The following PALM2AKAP2 variants were observed in gnomAD, a reference collection of about 807,000 sequenced individuals.
PALM2AKAP2 encodes the protein PALM2-AKAP2 fusion protein.
In PALM2AKAP2, 37 loss-of-function variants were observed where a neutral mutation model predicts 71.5. That is an observed-to-expected ratio of 0.52 (90% CI 0.40 to 0.68). PALM2AKAP2 has a LOEUF of 0.68. Ranked by LOEUF, PALM2AKAP2 falls within the 30% of genes least tolerant of loss-of-function variation. The probability of loss-of-function intolerance (pLI) is 0.00; values close to 1 mark genes in which losing one functional copy is unlikely to be tolerated. For synonymous variants in PALM2AKAP2, 468 were observed against 478.8 expected (o/e 0.98, Z 0.29); for missense variants, 1,224 against 1,191.8 (o/e 1.03, Z -0.40).
intron 1 of PALM2AKAP2, among the ~76,000 whole-genome samples, chr9:109,750,706 G>T (rs1411196139): frequency 6.6e-6 from 1 of 151,836 alleles, no homozygotes; most frequent in African/African-American, 2.4e-5. Context: ...AAAATAATTT[G>T]TTTTTTTCTA....
intron 1 of PALM2AKAP2, among the ~76,000 whole-genome samples, chr9:110,104,785 A>G (rs892941557): frequency 2.6e-5 from 4 of 152,220 alleles, no homozygotes; most frequent in African/African-American, 9.6e-5. Context: ...TACTTTGTGT[A>G]ATTATCTGTG....
At chr9:109,957,033 A>G (rs148839507) in intron 6 of PALM2AKAP2, among the ~76,000 whole-genome samples, 3 of 152,220 alleles carry the variant, frequency 2.0e-5, no homozygotes, top group East Asian at 3.8e-4. Flanking sequence ...GGTGACTTCA[A>G]ATTCTTTCCA....
chr9:110,054,749 G>A (rs1761624461), intron 1 of PALM2AKAP2, among the ~76,000 whole-genome samples: 1 of 151,870 alleles, frequency 6.6e-6, no homozygotes. Context: ...TTTTTCTATT[G>A]TTTGTAGAGA....
chr9:110,079,198 C>T (rs1834389121), intron 1 of PALM2AKAP2, among the ~76,000 whole-genome samples: 1 of 152,110 alleles, frequency 6.6e-6, no homozygotes, highest in African/African-American at 2.4e-5. Context: ...TACAGTGAGG[C>T]ATGAGGACAC....
At chr9:109,696,719 G>A (rs1827975550) in intron 1 of PALM2AKAP2, among the ~76,000 whole-genome samples, 1 of 152,074 alleles carries the variant, frequency 6.6e-6, no homozygotes, top group African/African-American at 2.4e-5. Context: ...CTGGGCCAGT[G>A]CATCTGTCTC....
chr9:109,945,426 G>T (rs748851921), intron 6 of PALM2AKAP2: 5 of 152,110 alleles, frequency 3.3e-5, no homozygotes, highest in Non-Finnish European at 7.4e-5. Context: ...CTATTTTATC[G>T]AGAAACCTGG....
intron 2 of PALM2AKAP2, among the ~76,000 whole-genome samples, chr9:110,154,053 A>G (rs1836386039): frequency 6.6e-6 from 1 of 152,212 alleles, no homozygotes; most frequent in Non-Finnish European, 1.5e-5. Context: ...GTCCCAGAAG[A>G]GATGCAAAAA....
Position 110,098,674 on chromosome 9 carries a change from G to C in PALM2AKAP2, c.157-37453G>C, listed in dbSNP as rs548588228. On this transcript the variant is annotated intron_variant, in intron 1 of 3. Coordinates refer to ENST00000374525, the Ensembl canonical transcript of PALM2AKAP2. The stretch of plus-strand genomic sequence containing the variant: ...AGCCAAGCTCTTTGCAAACTGTCAG[G>C]GATCCAAATGAAGATCGCAATCCAG... Among the ~76,000 whole-genome samples the C allele has an allele frequency of 3.3e-5, 5 of 152,230 alleles. No individual in the cohort carries two copies. The South Asian group carries it at 1.0e-3, about 32-fold the overall frequency.
intron 1 of PALM2AKAP2, among the ~76,000 whole-genome samples, chr9:109,656,195 G>T (rs944943453): frequency 1.3e-5 from 2 of 152,208 alleles, no homozygotes; most frequent in Admixed American, 6.5e-5. Flanking sequence ...CCAGGCAAAA[G>T]GAATGGCCAG....
intron 1 of PALM2AKAP2, among the ~76,000 whole-genome samples, chr9:110,091,403 GGT>G (rs71373965): frequency 0.64 from 93,068 of 144,464 alleles, 30,346 homozygotes; most frequent in African/African-American, 0.77. Context: ...TGGTGGTTGG[GGT>G]GTGTGTGTGT....
chr9:109,858,065 A>G (rs1356687527), intron 1 of PALM2AKAP2, among the ~76,000 whole-genome samples: 3 of 152,242 alleles, frequency 2.0e-5, no homozygotes, highest in African/African-American at 7.2e-5. Flanking sequence ...GCACTCTACC[A>G]GGTGATGTGT....
At chr9:109,917,892 T>C (rs1830732266) in intron 3 of PALM2AKAP2, among the ~76,000 whole-genome samples, 1 of 152,146 alleles carries the variant, frequency 6.6e-6, no homozygotes, top group African/African-American at 2.4e-5. Context: ...TTATCTTCAG[T>C]GGAAGCTAGG....
chr9:109,690,926 A>T (rs754438890), intron 1 of PALM2AKAP2, among the ~76,000 whole-genome samples: 1 of 152,142 alleles, frequency 6.6e-6, no homozygotes, highest in Non-Finnish European at 1.5e-5. Context: ...GCCACTTCTC[A>T]GCATGAGGAA....
At chr9:110,102,247 G>A (rs1387386635) in intron 1 of PALM2AKAP2, among the ~76,000 whole-genome samples, 3 of 152,148 alleles carry the variant, frequency 2.0e-5, no homozygotes, top group Non-Finnish European at 4.4e-5. Flanking sequence ...TCTAAAGCAG[G>A]AATATCCTTA....
intron 1 of PALM2AKAP2, among the ~76,000 whole-genome samples, chr9:109,784,497 T>C (rs1327786): frequency 0.074 from 11,306 of 152,250 alleles, 572 homozygotes; most frequent in South Asian, 0.16. Context: ...GGACATTTAG[T>C]GTGAGAAAGG....
chr9:109,933,542 G>A (rs1035118523), intron 6 of PALM2AKAP2, among the ~76,000 whole-genome samples: 3 of 152,164 alleles, frequency 2.0e-5, no homozygotes, highest in Admixed American at 1.3e-4. Flanking sequence ...GAGCAGTGTG[G>A]GTAGTCAAAG....
chr9:110,032,278 G>A (rs949575803), intron 7 of PALM2AKAP2, among the ~76,000 whole-genome samples: 2 of 152,006 alleles, frequency 1.3e-5, no homozygotes. Context: ...CAACTTATTG[G>A]CCAAGCATGG....
chr9:110,006,590 T>G (rs1353216317), intron 6 of PALM2AKAP2, among the ~76,000 whole-genome samples: 1 of 152,036 alleles, frequency 6.6e-6, no homozygotes, highest in African/African-American at 2.4e-5. Context: ...CTTGAATTCC[T>G]GGGCTCAAGT....
intron 1 of PALM2AKAP2, among the ~76,000 whole-genome samples, chr9:109,757,720 G>T (rs1195559593): frequency 6.6e-6 from 1 of 151,962 alleles, no homozygotes; most frequent in Non-Finnish European, 1.5e-5. Flanking sequence ...AGATCTTAGA[G>T]ATCAACTTCA....
Sources: gnomAD v4.1 joint callset for allele counts (sites outside exome capture counted in the v4.1 genomes callset) on GRCh38, gnomAD v4.1.1 for gene constraint, MANE v1.5 for transcripts, NCBI Gene and HGNC (gene_info 2026-07-23, HGNC 2026-07-21) for gene names.